PUF60: variants seen among roughly 807,000 people sequenced by gnomAD.
PUF60 encodes poly(U) binding splicing factor 60.
A neutral mutation model predicts 61.8 loss-of-function variants in PUF60; 10 were observed. The observed-to-expected ratio is 0.16, with a 90% CI of 0.10 to 0.27. PUF60 has a LOEUF of 0.27. Ranked by LOEUF, PUF60 falls within the 10% of genes least tolerant of loss-of-function variation. The pLI is 1.00. For missense variants in PUF60, 371 were observed against 754.0 expected (o/e 0.49, Z 5.95); for synonymous variants, 353 against 300.9 (o/e 1.17, Z -1.79).
At chr8:143,824,499 AAGGGAGGCCAGGC>A in intron 1 of PUF60, 100 bp from the exon 2 acceptor site, 1 of 1,281,872 alleles carries the variant, frequency 7.8e-7, no homozygotes, top group Non-Finnish European at 1.1e-6. Flanking sequence ...ACGGATAAGC[AAGGGAGGCCAGGC>A]AGGGAGGCAT....
At chr8:143,820,849 GC>G (rs1816924566) in intron 4 of PUF60, 133 bp from the exon 5 acceptor site, 2 of 858,974 alleles carry the variant, frequency 2.3e-6, no homozygotes, top group African/African-American at 3.3e-5. Context: ...TTCCCACACT[GC>G]CGGCCGCCAG....
Position 143,818,529 on chromosome 8 carries a change from C to A in PUF60, c.354G>T (p.Ala118=), listed in dbSNP as rs768900134. The A allele has an allele frequency of 1.9e-6, 3 of 1,591,698 alleles. No individual in the cohort carries two copies. The East Asian group carries it at 6.9e-5, about 36-fold the overall frequency. Residue 118 remains alanine (A), a synonymous_variant, in exon 6 of 12, where the codon GCG becomes GCT. Transcript: ENST00000526683. The surrounding 1 kb of genome is among the most constrained non-coding windows in gnomAD (Gnocchi z 7.9). ...GDPLSPLQSM[A]AQRQRALAIM... Reference sequence around the variant, plus strand: ...TGGCCAGCGCCCGCTGCCGCTGAGCCGCCATCTGCAGCAGGACAGAGGGGA... The same window carrying A: ...TGGCCAGCGCCCGCTGCCGCTGAGCAGCCATCTGCAGCAGGACAGAGGGGA...
chr8:143,820,760 AGT>A (rs780620866), intron 4 of PUF60, 44 bp from the exon 5 acceptor site: 1 of 1,564,996 alleles, frequency 6.4e-7, no homozygotes, highest in Admixed American at 1.7e-5. Context: ...GGAGCCGAGC[AGT>A]CTCCCGCTCT....
rs1817061142 is a variant in PUF60 at position 143,821,886 on chromosome 8, C to T, written c.139G>A (p.Gly47Arg). The T allele has an allele frequency of 1.9e-6, 3 of 1,607,204 alleles. No homozygotes were observed. The highest frequency in any genetic ancestry group is 1.1e-5 in the South Asian group (1 of 90,296). The change falls in exon 3 of 12, where the codon GGG (glycine) becomes AGG (arginine). Residue 47 changes from glycine (G) to arginine (R), a missense_variant. By Grantham distance (125) the Gly-to-Arg change is moderately radical. Around this residue, in one of 13 missense-constraint regions of PUF60, gnomAD observed 16 missense variants for 26.9 expected, o/e 0.60. Coordinates refer to ENST00000526683, the MANE Select transcript of PUF60 (RefSeq NM_078480.3). ...CCCAGCTTGGCGGCTGTGCTCTGCC[C>T]GTTCTCCATCTTGATGGAGTCTGTG... ...QGTDSIKMEN[G>R]QSTAAKLGLP...
chr8:143,816,349 G>T lies in PUF60; in HGVS notation c.*171C>A. 2 of 726,384 alleles carry T rather than the reference G, an allele frequency of 2.8e-6. No homozygotes were observed. Among genetic ancestry groups the T allele is most frequent in the Non-Finnish European group, 4.4e-6 (2 of 452,474 alleles). The allele number at this position is 726,384 out of a possible 1,614,324, so 45.0% of individuals were successfully genotyped here. On this transcript the variant is annotated 3_prime_UTR_variant, in exon 12 of 12. Transcript: ENST00000526683. ...CTAAGGACACACGCCCAGGATCGGT[G>T]ACAGGACCGACGGCAGACACACGGA... is the stretch of plus-strand genomic sequence containing the variant.
chr8:143,820,805 C>T (rs1816918344), intron 4 of PUF60, 89 bp from the exon 5 acceptor site: 3 of 1,289,398 alleles, frequency 2.3e-6, no homozygotes, highest in East Asian at 2.3e-5. Context: ...CGGCAAGGCC[C>T]GGAGTCCCCG....
Position 143,817,013 on chromosome 8 carries a change from G to C in PUF60, c.1277C>G (p.Pro426Arg), listed in dbSNP as rs201851092. 1 of 1,608,980 alleles carries C rather than the reference G, an allele frequency of 6.2e-7. No homozygotes were observed. Residue 426 changes from proline (P) to arginine (R), a missense_variant, in exon 11 of 12, where the codon CCC becomes CGC. Physicochemically the swap from Pro to Arg is moderately radical, Grantham distance 103. Around this residue, in one of 13 missense-constraint regions of PUF60, gnomAD observed 68 missense variants for 69.4 expected, o/e 0.98. Coordinates refer to ENST00000526683, the MANE Select transcript of PUF60 (RefSeq NM_078480.3). This position sits in a 1 kb window ranked among gnomAD's most constrained non-coding sequence, Gnocchi z 7.4. ...CAGCATCTCTGGCCGCTCTGACTCG[G>C]GAAACAGCTCCTCTTCTTCCTTCTC... ...KKEKEEEELFPESERPEMLSE... is the reference protein window; with the variant it reads ...KKEKEEEELFRESERPEMLSE...
At chr8:143,820,052 G>A (rs1816836695) in intron 5 of PUF60, among the ~76,000 whole-genome samples, 1 of 152,202 alleles carries the variant, frequency 6.6e-6, no homozygotes, top group African/African-American at 2.4e-5. Flanking sequence ...GCCTCTGGGG[G>A]AAGGGAGGGA....
At position 143,817,347 on chromosome 8, in the gene PUF60, T is replaced by C; in HGVS notation, c.1128A>G (p.Ala376=). 1 of 1,593,866 alleles carries C rather than the reference T, an allele frequency of 6.3e-7. No homozygotes were observed. The highest frequency in any genetic ancestry group is 8.5e-7 in the Non-Finnish European group (1 of 1,174,212). ...TLPQAVMAAQ[A]PGVITGVTPA... is the part of the protein sequence containing the mutation. ...AAGACTCACCTGTGATGACTCCAGG[T>C]GCCTGGGCAGCCATGACAGCCTGGG... The change falls in exon 10 of 12, where the codon GCA becomes GCG. Residue 376 remains alanine, a synonymous_variant. Coordinates refer to ENST00000526683, the MANE Select transcript of PUF60 (RefSeq NM_078480.3). This position sits in a 1 kb window ranked among gnomAD's most constrained non-coding sequence, Gnocchi z 7.4.
In PUF60 at chr8:143,816,703, G is replaced by A; in HGVS notation, c.1497C>T (p.Tyr499=). The A allele has an allele frequency of 6.2e-7, 1 of 1,613,866 alleles. No individual in the cohort carries two copies. The highest frequency in any genetic ancestry group is 8.5e-7 in the Non-Finnish European group (1 of 1,179,870). The change falls in exon 12 of 12, where the codon TAC becomes TAT. Residue 499 remains tyrosine, a synonymous_variant. Transcript: ENST00000526683. ...KFGAVNRVII[Y]QEKQGEEEDA... Reference sequence around the variant, plus strand: ...CCTCCTCCTCGCCTTGTTTCTCTTGGTAGATGATGACGCGGTTCACGGCCC... The same window carrying A: ...CCTCCTCCTCGCCTTGTTTCTCTTGATAGATGATGACGCGGTTCACGGCCC...
intron 1 of PUF60, chr8:143,827,677 G>A (rs1379315537): frequency 6.2e-6 from 2 of 323,556 alleles, no homozygotes; most frequent in African/African-American, 4.4e-5. Context: ...GCTCACTCCT[G>A]GAGCCGGATG....
At chr8:143,820,390 C>G in intron 5 of PUF60, 1 of 539,506 alleles carries the variant, frequency 1.9e-6, no homozygotes, top group South Asian at 2.1e-5. Flanking sequence ...GGGCCTGGTG[C>G]TGGCAGCTAC....
intron 1 of PUF60, among the ~76,000 whole-genome samples, chr8:143,825,477 G>C (rs1488034131): frequency 6.6e-6 from 1 of 152,074 alleles, no homozygotes; most frequent in African/African-American, 2.4e-5. Context: ...GAGAGTGAAA[G>C]GAAACAAGGG....
chr8:143,824,610 G>C (rs1209520290), intron 1 of PUF60: 7 of 589,988 alleles, frequency 1.2e-5, no homozygotes, highest in African/African-American at 1.9e-5. Context: ...GCGGAGCATG[G>C]GCTGGGCCAG....
rs943446601 is a variant in PUF60 at position 143,818,681 on chromosome 8, G to A, written c.349-147C>T. ...GGGAGGTGCGGGCTCCATCCCTGCA[G>A]TCATAGTGTGGGGGTCGCAGGACCC... On this transcript the variant is annotated intron_variant, in intron 5 of 11. Transcript: ENST00000526683. The surrounding 1 kb of genome is among the most constrained non-coding windows in gnomAD (Gnocchi z 7.9). The A allele has an allele frequency of 4.6e-6, 4 of 871,624 alleles. No individual in the cohort carries two copies. The highest frequency in any genetic ancestry group is 5.4e-5 in the East Asian group (2 of 37,204). 54.0% of individuals were successfully genotyped at this position (871,624 alleles called of 1,614,324 possible). A position where few individuals can be genotyped will look rare whatever the true frequency, so the allele number is the denominator to read the frequency against.
chr8:143,828,076 G>A (rs1817839425), intron 1 of PUF60, among the ~76,000 whole-genome samples: 1 of 152,236 alleles, frequency 6.6e-6, no homozygotes, highest in South Asian at 2.1e-4. Flanking sequence ...GTGGCTTCAA[G>A]AGAAAGGACA....
At chr8:143,826,810 G>A (rs572394754) in intron 1 of PUF60, among the ~76,000 whole-genome samples, 8 of 152,276 alleles carry the variant, frequency 5.3e-5, no homozygotes, top group Non-Finnish European at 7.4e-5. Context: ...GAATGGGGAC[G>A]GCCTGTCTCC....
chr8:143,818,897 G>A lies in PUF60; in HGVS notation c.349-363C>T. ...GGCTGGGCTGGGAGATCCTCCCACT[G>A]TCCCAGCCAAGGACCACGACAGAAG... On this transcript the variant is annotated intron_variant, in intron 5 of 11. Transcript: ENST00000526683. This position sits in a 1 kb window ranked among gnomAD's most constrained non-coding sequence, Gnocchi z 7.9. 2.0e-5 allele frequency: 6 copies of A among 303,544 alleles called. 1 individual carries two copies. Among genetic ancestry groups the A allele is most frequent in the Non-Finnish European group, 3.1e-5 (5 of 162,656 alleles). The allele number at this position is 303,544 out of a possible 1,614,324, so 18.8% of individuals were successfully genotyped here.
At chr8:143,819,676 G>A (rs1816792519) in intron 5 of PUF60, among the ~76,000 whole-genome samples, 1 of 152,054 alleles carries the variant, frequency 6.6e-6, no homozygotes, top group East Asian at 1.9e-4. Context: ...CTCACACTGG[G>A]CCCCCTGACA....
Sources: allele counts gnomAD v4.1 joint callset (sites outside exome capture counted in the v4.1 genomes callset), GRCh38; gene constraint gnomAD v4.1.1; regional missense constraint gnomAD v4.1.1; non-coding constraint Gnocchi (gnomAD v3.1); transcripts MANE v1.5; gene names NCBI Gene and HGNC (gene_info 2026-07-23, HGNC 2026-07-21).